Variants in GPR55 observed in about 807,000 individuals in gnomAD.
The protein encoded by GPR55 is G-protein coupled receptor 55.
Under a neutral mutation model 7.9 loss-of-function variants are expected in GPR55, and 6 were observed. The ratio of observed to expected loss-of-function variants is 0.76; its 90% CI spans 0.41 to 1.49. GPR55 has a LOEUF of 1.49. Among genes scored for constraint, GPR55 ranks in the 40% most tolerant of loss-of-function variants. GPR55 has a pLI of 0.01. For synonymous variants in GPR55, 183 were observed against 166.8 expected (o/e 1.10, Z -0.75); for missense variants, 376 against 406.0 (o/e 0.93, Z 0.63).
intron 1 of GPR55, among the ~76,000 whole-genome samples, chr2:230,949,641 A>C (rs7595865): frequency 0.24 from 37,061 of 151,646 alleles, 4,896 homozygotes; most frequent in Non-Finnish European, 0.28. Context: ...TTTCATAATA[A>C]TACTGAAATG....
rs543703754 is a variant in GPR55 at position 230,917,016 on chromosome 2, C to T, written c.-134-5920G>A. Among the ~76,000 whole-genome samples the T allele has an allele frequency of 6.1e-4, 93 of 152,160 alleles. 3 individuals are homozygous for T. The South Asian group carries it at 0.019, about 31-fold the overall frequency. On this transcript the variant is annotated intron_variant, in intron 1 of 1. Coordinates refer to ENST00000650999, the MANE Select transcript of GPR55 (RefSeq NM_005683.4). ...AAAAGTTCTGTGGCGATAGAACAGA[C>T]AAATATAAACAAAAGAAAGACAGGG...
chr2:230,941,326 C>G (rs1691230006), intron 1 of GPR55, among the ~76,000 whole-genome samples: 1 of 152,068 alleles, frequency 6.6e-6, no homozygotes, highest in South Asian at 2.1e-4. Flanking sequence ...TGAGCAGGGC[C>G]CTTTGCTGGA....
chr2:230,942,842 C>T (rs80272115), intron 1 of GPR55, among the ~76,000 whole-genome samples: 3,697 of 152,022 alleles, frequency 0.024, 137 homozygotes, highest in African/African-American at 0.085. Flanking sequence ...GGAAGAGACA[C>T]GGAAGGGGCA....
chr2:230,929,703 T>C (rs1200999985), upstream of GPR55: 1 of 152,214 alleles, frequency 6.6e-6, no homozygotes, highest in East Asian at 1.9e-4. Flanking sequence ...GGTCTTCAAA[T>C]GCAATGGTTG....
rs114958915 is a variant in GPR55, at chr2:230,944,023, T to C, written c.-135+16752A>G. 0.025 allele frequency among the ~76,000 whole-genome samples: 3,762 copies of C among 152,318 alleles called. 78 individuals carry two copies. Among genetic ancestry groups the C allele is most frequent in the Non-Finnish European group, 0.031 (2,105 of 68,020 alleles). On this transcript the variant is annotated intron_variant, in intron 1 of 1. Transcript: ENST00000392039. This position sits in a 1 kb window ranked among gnomAD's most constrained non-coding sequence, Gnocchi z 4.2. ...CAGGGTCTGTCTTAGGAAGGGGCCC[T>C]CGGGCTGTCCCTCTTCTCCCTGGCC... is the stretch of plus-strand genomic sequence containing the variant.
intron 1 of GPR55, among the ~76,000 whole-genome samples, chr2:230,917,157 T>C (rs1156729412): frequency 6.6e-6 from 1 of 152,228 alleles, no homozygotes; most frequent in Non-Finnish European, 1.5e-5. Flanking sequence ...AATGTAGTAA[T>C]CTTATACACC....
At chr2:230,920,167 A>G (rs1048867495) in intron 1 of GPR55, among the ~76,000 whole-genome samples, 1 of 151,910 alleles carries the variant, frequency 6.6e-6, no homozygotes, top group South Asian at 2.1e-4. Flanking sequence ...AAAAATATAT[A>G]TATATAATGC....
intron 1 of GPR55, among the ~76,000 whole-genome samples, chr2:230,952,911 G>A (rs534677808): frequency 2.0e-5 from 3 of 152,264 alleles, no homozygotes; most frequent in South Asian, 2.1e-4. Flanking sequence ...CCTCTGCTCC[G>A]CCATTTGCCC....
upstream of GPR55, among the ~76,000 whole-genome samples, chr2:230,926,479 A>G (rs962783746): frequency 6.6e-6 from 1 of 151,948 alleles, no homozygotes; most frequent in African/African-American, 2.4e-5. Context: ...CCAGGCCCGC[A>G]CCCTGGGTGC....
chr2:230,924,040 G>A lies in GPR55; in HGVS notation c.-135+1128C>T, dbSNP rs1690896063. ...GATGTGGTTTTCCCAGTGCAGTCCT[G>A]AGTGGGTGCCTTGAAAAGTCCTCTG... is the stretch of plus-strand genomic sequence containing the variant. On this transcript the variant is annotated intron_variant, in intron 1 of 1. Coordinates refer to ENST00000650999, the MANE Select transcript of GPR55 (RefSeq NM_005683.4). The surrounding 1 kb of genome is among the most constrained non-coding windows in gnomAD (Gnocchi z 4.5). Among the ~76,000 whole-genome samples the A allele has an allele frequency of 6.6e-6, 1 of 152,140 alleles. No individual in the cohort carries two copies. Among genetic ancestry groups the A allele is most frequent in the African/African-American group, 2.4e-5 (1 of 41,434 alleles).
chr2:230,947,262 G>A (rs1052916401), intron 1 of GPR55, among the ~76,000 whole-genome samples: 2 of 152,316 alleles, frequency 1.3e-5, no homozygotes, highest in South Asian at 2.1e-4. Context: ...ACTGAAGTTG[G>A]TTAGGTGTGC....
In GPR55 at chr2:230,910,339, C is replaced by A; in HGVS notation, c.624G>T (p.Leu208=). The change falls in exon 2 of 2, where the codon CTG becomes CTT. Residue 208 remains leucine (L), a synonymous_variant. Coordinates refer to ENST00000650999, the MANE Select transcript of GPR55 (RefSeq NM_005683.4). The surrounding 1 kb of genome is among the most constrained non-coding windows in gnomAD (Gnocchi z 5.4). ...GFCCSRSIHI[L]LGRRDHTQDW... ...CCTGGGTGTGGTCTCGGCGGCCCAG[C>A]AGGATGTGGATGCTCCTGGAGCAGC... 1 of 1,613,988 alleles carries A rather than the reference C, an allele frequency of 6.2e-7. No individual in the cohort carries two copies.
At chr2:230,930,481 CAG>C (rs1172072200) in intron 1 of GPR55, among the ~76,000 whole-genome samples, 5 of 146,744 alleles carry the variant, frequency 3.4e-5, no homozygotes, top group Admixed American at 2.1e-4. Flanking sequence ...TTTTTTTAGA[CAG>C]AGTCTCACTT....
Position 230,911,933 on chromosome 2 carries a change from T to A in GPR55, c.-134-837A>T, listed in dbSNP as rs868569844. ...GTGAGTGCCATTGTGGGGTTCTGCA[T>A]CAAGGTATGTAGCCCTGGAGCAGGA... On this transcript the variant is annotated intron_variant, in intron 1 of 1. Transcript: ENST00000650999. Among the ~76,000 whole-genome samples, 7 of 152,240 alleles carry A rather than the reference T, an allele frequency of 4.6e-5. No homozygotes were observed. The South Asian group carries it at 1.0e-3, about 23-fold the overall frequency.
intron 1 of GPR55, among the ~76,000 whole-genome samples, chr2:230,953,592 A>C (rs1192812246): frequency 6.6e-6 from 1 of 152,228 alleles, no homozygotes; most frequent in Non-Finnish European, 1.5e-5. Context: ...TCTAACCTAC[A>C]GAACTGTAAG....
upstream of GPR55, among the ~76,000 whole-genome samples, chr2:230,929,301 C>T (rs980460454): frequency 1.3e-5 from 2 of 152,076 alleles, no homozygotes; most frequent in African/African-American, 4.8e-5. Context: ...CAGGAAGGTG[C>T]GTGCCCCCAA....
chr2:230,914,970 A>G (rs1265290113), intron 1 of GPR55, among the ~76,000 whole-genome samples: 1 of 152,242 alleles, frequency 6.6e-6, no homozygotes, highest in Non-Finnish European at 1.5e-5. Context: ...GGAAGGAACA[A>G]CAAGGTGGGA....
At chr2:230,951,257 T>C (rs1691400580) in intron 1 of GPR55, among the ~76,000 whole-genome samples, 1 of 152,130 alleles carries the variant, frequency 6.6e-6, no homozygotes, top group South Asian at 2.1e-4. Context: ...GGAATTGAAC[T>C]GGAGGACACC....
At chr2:230,941,970 C>T (rs1691240246) in intron 1 of GPR55, among the ~76,000 whole-genome samples, 1 of 152,182 alleles carries the variant, frequency 6.6e-6, no homozygotes, top group African/African-American at 2.4e-5. Context: ...CCCAGGGGTC[C>T]TGGACATTCT....
Sources: allele counts gnomAD v4.1 joint callset (sites outside exome capture counted in the v4.1 genomes callset), GRCh38; gene constraint gnomAD v4.1.1; non-coding constraint Gnocchi (gnomAD v3.1); transcripts MANE v1.5; gene names NCBI Gene and HGNC (gene_info 2026-07-23, HGNC 2026-07-21).